The following ZNF540 variants were observed in gnomAD, a reference collection of about 807,000 sequenced individuals.
ZNF540 encodes zinc finger protein 540.
A neutral mutation model predicts 11.8 loss-of-function variants in ZNF540; 3 were observed. The observed-to-expected ratio is 0.25, with a 90% confidence interval of 0.12 to 0.65. The LOEUF is 0.65. ZNF540 is among the 30% of genes least tolerant of loss of function. ZNF540 has a pLI of 0.83. For missense variants in ZNF540, 709 were observed against 793.1 expected (o/e 0.89, Z 1.27); for synonymous variants, 247 against 259.0 (o/e 0.95, Z 0.45).
intron 1 of ZNF540, among the ~76,000 whole-genome samples, chr19:37,582,379 C>CACTG (rs1166616034): frequency 2.6e-5 from 4 of 152,224 alleles, no homozygotes; most frequent in Non-Finnish European, 5.9e-5. Context: ...GCTTCCAATA[C>CACTG]ACTGCATTCC....
Position 37,566,150 on chromosome 19 carries a change from T to A in ZNF540, c.-73+14485T>A, listed in dbSNP as rs527671578. 6.8e-6 allele frequency: 11 copies of A among 1,613,896 alleles called. No individual in the cohort carries two copies. Among genetic ancestry groups the A allele is most frequent in the Non-Finnish European group, 9.3e-6 (11 of 1,179,932 alleles). Reference sequence around the variant, plus strand: ...TGCTTCTTGACCCTCTAAGTTGCCTTTGCACTCCATATTGTCTCCAAGACC... The same window carrying A: ...TGCTTCTTGACCCTCTAAGTTGCCTATGCACTCCATATTGTCTCCAAGACC... On this transcript the variant is annotated intron_variant, in intron 1 of 4. Coordinates refer to the ZNF540 transcript ENST00000592533.
intron 4 of ZNF540, among the ~76,000 whole-genome samples, chr19:37,603,833 T>C (rs966279440): frequency 6.6e-6 from 1 of 152,202 alleles, no homozygotes; most frequent in Non-Finnish European, 1.5e-5. Context: ...GCTATTAAGT[T>C]CTATATAGTA....
At chr19:37,598,277 A>C in intron 1 of ZNF540, 99 bp from the exon 2 acceptor site, 2 of 644,930 alleles carry the variant, frequency 3.1e-6, no homozygotes, top group Non-Finnish European at 5.4e-6. Flanking sequence ...AGGTATTTGC[A>C]AGCAACAGTG....
chr19:37,611,731 A>G lies in ZNF540; in HGVS notation c.451A>G (p.Thr151Ala), dbSNP rs781626448. Residue 151 changes from threonine to alanine, a missense_variant, in exon 5 of 5, where the codon ACT becomes GCT. By Grantham distance (58) the Thr-to-Ala change is moderately conservative. Coordinates refer to ENST00000316433, the MANE Select transcript of ZNF540 (RefSeq NM_001172225.3). ...QKKIVSKKMS[T>A]DRKRPSFTLN... ...GAAAATCGTCTCTAAAAAAATGTCAACTGATAGAAAACGTCCCTCTTTTAC... is the reference window on the plus strand; with the variant it reads ...GAAAATCGTCTCTAAAAAAATGTCAGCTGATAGAAAACGTCCCTCTTTTAC... 2.5e-6 allele frequency: 4 copies of G among 1,613,840 alleles called. No homozygotes were observed. The highest frequency in any genetic ancestry group is 3.4e-6 in the Non-Finnish European group (4 of 1,179,954).
intron 1 of ZNF540, among the ~76,000 whole-genome samples, chr19:37,582,360 T>C (rs1264312784): frequency 6.6e-6 from 1 of 152,212 alleles, no homozygotes; most frequent in African/African-American, 2.4e-5. Context: ...TTCCTCCTTT[T>C]GTCAGTTGGC....
chr19:37,612,588 G>A lies in ZNF540; in HGVS notation c.1308G>A (p.Glu436=), dbSNP rs765089294. Residue 436 remains glutamate (E), a synonymous_variant, in exon 5 of 5, where the codon GAG becomes GAA. Transcript: ENST00000316433. ...TACATTCTAGAATTCATACTGGAGA[G>A]AAACCATATGAATGTAAGGAATGCG... is the stretch of plus-strand genomic sequence containing the variant. The part of the protein sequence containing the change: ...LRVHSRIHTG[E]KPYECKECGK... 23 of 1,613,942 alleles carry A rather than the reference G, an allele frequency of 1.4e-5. No individual in the cohort carries two copies. The highest frequency in any genetic ancestry group is 1.7e-5 in the Non-Finnish European group (20 of 1,180,018).
At chr19:37,602,454 CCATA>C in intron 4 of ZNF540, among the ~76,000 whole-genome samples, 1 of 152,168 alleles carries the variant, frequency 6.6e-6, no homozygotes, top group East Asian at 1.9e-4. Flanking sequence ...TGAAACGTAG[CCATA>C]CTTAATTATT....
At chr19:37,581,834 C>G (rs575247691) in intron 1 of ZNF540, among the ~76,000 whole-genome samples, 3 of 151,554 alleles carry the variant, frequency 2.0e-5, no homozygotes, top group African/African-American at 7.2e-5. Flanking sequence ...CTGTGGTTCA[C>G]CCTGCAGTGG....
intron 1 of ZNF540, chr19:37,584,030 G>C (rs759499664): frequency 1.2e-6 from 2 of 1,614,082 alleles, no homozygotes; most frequent in Admixed American, 1.7e-5. Context: ...GTCCCTCTGA[G>C]CAGGGTCCAG....
At position 37,599,196 on chromosome 19, in the gene ZNF540, ATAGATAAACT is replaced by A. The variant is rs1393436643; in HGVS notation, c.10-427_10-418del. Among the ~76,000 whole-genome samples, 10 of 152,272 alleles carry A rather than the reference ATAGATAAACT, an allele frequency of 6.6e-5. No individual in the cohort carries two copies. In the South Asian group the frequency reaches 1.9e-3, roughly 28 times the overall value. ...GATTGATCGATAGATAGATAGATAG[ATAGATAAACT>A]TAAAGGAAAAAGAGGATATAGGATT... On this transcript the variant is annotated intron_variant, in intron 2 of 4. Transcript: ENST00000316433.
rs2043684961 is a variant in ZNF540 at position 37,586,669 on chromosome 19, TG to T, written c.-72-11703del. On this transcript the variant is annotated intron_variant, in intron 1 of 4. Coordinates refer to the ZNF540 transcript ENST00000592533. ...AGAAGGAAAGAAACAGCAACTCACG[TG>T]GGGCATGGTTTTTTAGAACTGATCA... 2.5e-6 allele frequency: 4 copies of T among 1,613,946 alleles called. No homozygotes were observed. In the African/African-American group the frequency reaches 5.3e-5, roughly 22 times the overall value.
At chr19:37,567,666 C>T (rs1357054893) in intron 1 of ZNF540, 1 of 152,188 alleles carries the variant, frequency 6.6e-6, no homozygotes, top group Admixed American at 6.5e-5. Context: ...AAAGTGGCCA[C>T]CTCCTTTGCG....
rs1336187170 is a variant in ZNF540 at position 37,612,095 on chromosome 19, T to C, written c.815T>C (p.Met272Thr). 5.0e-6 allele frequency: 8 copies of C among 1,611,558 alleles called. No homozygotes were observed. Among genetic ancestry groups the C allele is most frequent in the Non-Finnish European group, 6.8e-6 (8 of 1,179,614 alleles). Residue 272 changes from methionine (M) to threonine (T), a missense_variant, in exon 5 of 5, where the codon ATG (methionine) becomes ACG (threonine). Coordinates refer to ENST00000316433, the MANE Select transcript of ZNF540 (RefSeq NM_001172225.3). ...QKIHTGKKPY[M>T]CKKCDKGFFS... ...ATTCACACTGGTAAAAAACCCTATA[T>C]GTGTAAGAAATGTGATAAGGGTTTT...
intron 1 of ZNF540, chr19:37,556,193 G>A (rs1375120348): frequency 1.5e-6 from 1 of 684,954 alleles, no homozygotes; most frequent in Non-Finnish European, 2.7e-6. Context: ...CAACTGCAAA[G>A]GAGACTTCCT....
intron 4 of ZNF540, among the ~76,000 whole-genome samples, chr19:37,608,719 G>A (rs1276602497): frequency 6.6e-6 from 1 of 152,156 alleles, no homozygotes; most frequent in Non-Finnish European, 1.5e-5. Flanking sequence ...GCCACCTGAT[G>A]GACCTTAACC....
Position 37,613,210 on chromosome 19 carries a change from T to C in ZNF540, c.1930T>C (p.Phe644Leu), listed in dbSNP as rs1346496324. Residue 644 changes from phenylalanine to leucine, a missense_variant, in exon 5 of 5, where the codon TTT becomes CTT. By Grantham distance (22) the Phe-to-Leu change is conservative. Transcript: ENST00000316433. ...PYECKVCRKA[F>L]RQYSHLYQHQ... ...TGAGTGTAAGGTATGTAGAAAGGCCTTTAGACAATATTCACATCTTTATCA... is the reference window on the plus strand; with the variant it reads ...TGAGTGTAAGGTATGTAGAAAGGCCCTTAGACAATATTCACATCTTTATCA... 2 of 1,568,882 alleles carry C rather than the reference T, an allele frequency of 1.3e-6. No homozygotes were observed. The highest frequency in any genetic ancestry group is 2.7e-5 in the African/African-American group (2 of 73,234).
intron 4 of ZNF540, among the ~76,000 whole-genome samples, chr19:37,608,100 C>T (rs951086045): frequency 2.0e-5 from 3 of 152,224 alleles, no homozygotes; most frequent in Non-Finnish European, 2.9e-5. Context: ...GAGAAATTCT[C>T]ATTCATTGTT....
chr19:37,592,116 G>C (rs1292068245), upstream of ZNF540, among the ~76,000 whole-genome samples: 2 of 151,990 alleles, frequency 1.3e-5, no homozygotes, highest in Admixed American at 1.3e-4. Context: ...AAATTAGCCA[G>C]GTGTGGTGGC....
rs943970595 is a variant in ZNF540, at chr19:37,584,176, T to C, written c.-72-14200T>C. 4.4e-6 allele frequency: 7 copies of C among 1,598,626 alleles called. No homozygotes were observed. In the East Asian group the frequency reaches 1.3e-4, roughly 31 times the overall value. On this transcript the variant is annotated intron_variant, in intron 1 of 4. Coordinates refer to the ZNF540 transcript ENST00000592533. ...AATGAGAAGAAAATGGAGGAGGTAA[T>C]TGAAGGAAGCAAGTAACACAAAACA...
Sources: gnomAD v4.1 joint callset for allele counts (sites outside exome capture counted in the v4.1 genomes callset) on GRCh38, gnomAD v4.1.1 for gene constraint, MANE v1.5 for transcripts, NCBI Gene and HGNC (gene_info 2026-07-23, HGNC 2026-07-21) for gene names.